Variants in PCDH12 observed in about 807,000 individuals in gnomAD.
PCDH12 encodes protocadherin 12.
A neutral mutation model predicts 70.9 loss-of-function variants in PCDH12; 45 were observed. The observed-to-expected ratio is 0.63, with a 90% CI of 0.50 to 0.81. The LOEUF is 0.81. PCDH12 is among the 40% of genes least tolerant of loss of function. PCDH12 has a pLI of 0.00. For missense variants in PCDH12, 1,370 were observed against 1,491.7 expected (o/e 0.92, Z 1.34); for synonymous variants, 567 against 626.0 (o/e 0.91, Z 1.41).
intron 2 of PCDH12, among the ~76,000 whole-genome samples, chr5:141,950,746 C>G (rs1304696591): frequency 6.6e-6 from 1 of 152,194 alleles, no homozygotes; most frequent in Non-Finnish European, 1.5e-5. Flanking sequence ...ACTCTGAGAG[C>G]TGGTCCCAGC....
chr5:141,949,144 A>G (rs536778874), intron 3 of PCDH12, among the ~76,000 whole-genome samples: 1 of 151,868 alleles, frequency 6.6e-6, no homozygotes, highest in African/African-American at 2.4e-5. Context: ...GGATCACCTG[A>G]GCCCAGGAGG....
In PCDH12 at chr5:141,957,430, T is replaced by A; in HGVS notation, c.422A>T (p.Glu141Val). The A allele has an allele frequency of 6.2e-7, 1 of 1,612,682 alleles. No individual in the cohort carries two copies. Among genetic ancestry groups the A allele is most frequent in the Non-Finnish European group, 8.5e-7 (1 of 1,179,310 alleles). ...AGAGGCGCTCTCAGAGATTTCCAGC[T>A]CCTGCTCGCCTTTGGGAAACCGTGG... ...HQPRFPKGEQ[E>V]LEISESASLR... Residue 141 changes from glutamate (E) to valine (V), a missense_variant, in exon 1 of 4, where the codon GAG (glutamate) becomes GTG (valine). Transcript: ENST00000231484. The surrounding 1 kb of genome is among the most constrained non-coding windows in gnomAD (Gnocchi z 4.3).
At chr5:141,951,833 G>C (rs1029342571) in intron 1 of PCDH12, among the ~76,000 whole-genome samples, 2 of 152,254 alleles carry the variant, frequency 1.3e-5, no homozygotes, top group Non-Finnish European at 2.9e-5. Flanking sequence ...GACCCTCTGG[G>C]CCTGTCCCCT....
chr5:141,946,312 A>G (rs62380004), intron 3 of PCDH12, among the ~76,000 whole-genome samples: 15,418 of 152,176 alleles, frequency 0.1, 859 homozygotes, highest in African/African-American at 0.15. Context: ...CAATTTACAT[A>G]ATTATTTCAT....
rs1752855432 is a variant in PCDH12 at position 141,944,528 on chromosome 5, G to A, written c.*853C>T. The A allele has an allele frequency of 6.6e-6, 1 of 152,204 alleles. No homozygotes were observed. The highest frequency in any genetic ancestry group is 2.1e-4 in the South Asian group (1 of 4,824). 9.4% of individuals were successfully genotyped at this position (152,204 alleles called of 1,614,324 possible). On this transcript the variant is annotated 3_prime_UTR_variant, in exon 4 of 4. Transcript: ENST00000231484. ...TGTCAAGGTTGAAGGCATGGGTTTT[G>A]GTGTTGGCCCAGCCTGGGTCCAAAT...
Position 141,950,318 on chromosome 5 carries a change from C to T in PCDH12, c.2979-735G>A, listed in dbSNP as rs926656974. Among the ~76,000 whole-genome samples the T allele has an allele frequency of 4.6e-5, 7 of 152,260 alleles. No homozygotes were observed. The South Asian group carries it at 6.2e-4, about 14-fold the overall frequency. The stretch of plus-strand genomic sequence containing the variant: ...GAAGGCTACCTGAGGGGTTTTAAGG[C>T]GTAGGAGTCCTTCTGTTTGTTTGGT... On this transcript the variant is annotated intron_variant, in intron 2 of 3. Transcript: ENST00000231484.
chr5:141,954,820 C>T, intron 1 of PCDH12, 152 bp downstream of exon 1: 1 of 1,029,426 alleles, frequency 9.7e-7, no homozygotes, highest in Non-Finnish European at 1.4e-6. Context: ...GATCACAAAG[C>T]TGTGCCCTGA....
chr5:141,953,760 G>C (rs1460981390), intron 1 of PCDH12, among the ~76,000 whole-genome samples: 1 of 152,228 alleles, frequency 6.6e-6, no homozygotes, highest in Non-Finnish European at 1.5e-5. Flanking sequence ...GGCAGCCTCT[G>C]GGTCTGCACC....
rs1036408718 is a variant in PCDH12, at chr5:141,945,676, A to G, written c.3260T>C (p.Phe1087Ser). 6.2e-7 allele frequency: 1 copy of G among 1,614,058 alleles called. No homozygotes were observed. The highest frequency in any genetic ancestry group is 8.5e-7 in the Non-Finnish European group (1 of 1,180,042). ...TGCCTCTGCCTTGCCGAACGTCTGGAAGGTCCTTGGCTCCTCCGTGGCTGC... is the reference window on the plus strand; with the variant it reads ...TGCCTCTGCCTTGCCGAACGTCTGGGAGGTCCTTGGCTCCTCCGTGGCTGC... The part of the protein sequence containing the change: ...DAAATEEPRT[F>S]QTFGKAEAPE... The change falls in exon 4 of 4, where the codon TTC becomes TCC. Residue 1087 changes from phenylalanine (F) to serine (S), a missense_variant. Coordinates refer to ENST00000231484, the MANE Select transcript of PCDH12 (RefSeq NM_016580.4).
At chr5:141,949,855 T>C (rs1753040968) in intron 2 of PCDH12, among the ~76,000 whole-genome samples, 1 of 152,208 alleles carries the variant, frequency 6.6e-6, no homozygotes, top group African/African-American at 2.4e-5. Flanking sequence ...CCACAGAGCC[T>C]GGCACATTGT....
rs753657439 is a variant in PCDH12, at chr5:141,957,433, T to C, written c.419A>G (p.Gln140Arg). ...DHQPRFPKGE[Q>R]ELEISESASL... ...GGCGCTCTCAGAGATTTCCAGCTCC[T>C]GCTCGCCTTTGGGAAACCGTGGCTG... Residue 140 changes from glutamine (Q) to arginine (R), a missense_variant, in exon 1 of 4, where the codon CAG (glutamine) becomes CGG (arginine). Coordinates refer to ENST00000231484, the MANE Select transcript of PCDH12 (RefSeq NM_016580.4). The surrounding 1 kb of genome is among the most constrained non-coding windows in gnomAD (Gnocchi z 4.3). The C allele has an allele frequency of 1.8e-5, 29 of 1,612,538 alleles. No homozygotes were observed. In the East Asian group the frequency reaches 6.5e-4, roughly 36 times the overall value.
chr5:141,946,164 C>G (rs192648515), intron 3 of PCDH12, among the ~76,000 whole-genome samples: 1 of 152,278 alleles, frequency 6.6e-6, no homozygotes, highest in East Asian at 1.9e-4. Flanking sequence ...GGCGCCTTCT[C>G]CCCTCAGGGC....
At position 141,945,760 on chromosome 5, in the gene PCDH12, G is replaced by T. The variant is rs371919982; in HGVS notation, c.3176C>A (p.Ala1059Glu). Residue 1059 changes from alanine to glutamate, a missense_variant, in exon 4 of 4, where the codon GCG (alanine) becomes GAG (glutamate). By Grantham distance (107) the Ala-to-Glu change is moderately radical. Coordinates refer to ENST00000231484, the MANE Select transcript of PCDH12 (RefSeq NM_016580.4). ...RLSAPDPAWM[A>E]RLSLPLTTNY... ...GGTGGTGAGGGGCAAAGAGAGTCTC[G>T]CCATCCAGGCCGGGTCAGGGGCGCT... 6.2e-7 allele frequency: 1 copy of T among 1,613,780 alleles called. No individual in the cohort carries two copies. Among genetic ancestry groups the T allele is most frequent in the Non-Finnish European group, 8.5e-7 (1 of 1,179,968 alleles).
Position 141,955,314 on chromosome 5 carries a change from G to A in PCDH12, c.2538C>T (p.Val846=), listed in dbSNP as rs1300413809. 3 of 1,614,192 alleles carry A rather than the reference G, an allele frequency of 1.9e-6. No homozygotes were observed. The Admixed American group carries it at 5.0e-5, about 27-fold the overall frequency. The part of the protein sequence containing the change: ...AESREVLQDT[V]NLLFNHPRQR... Reference sequence around the variant, plus strand: ...GCCTGGGATGGTTGAAAAGGAGGTTGACCGTGTCTTGCAGCACCTCTCGGC... The same window carrying A: ...GCCTGGGATGGTTGAAAAGGAGGTTAACCGTGTCTTGCAGCACCTCTCGGC... The change falls in exon 1 of 4, where the codon GTC becomes GTT. Residue 846 remains valine, a synonymous_variant. Transcript: ENST00000231484. The surrounding 1 kb of genome is among the most constrained non-coding windows in gnomAD (Gnocchi z 5.5).
intron 1 of PCDH12, among the ~76,000 whole-genome samples, chr5:141,954,564 TAGGA>T (rs1429533803): frequency 1.3e-5 from 2 of 152,184 alleles, no homozygotes; most frequent in African/African-American, 4.8e-5. Flanking sequence ...GGTTCAGAGC[TAGGA>T]AGAAGTGGAG....
chr5:141,949,654 T>C, intron 2 of PCDH12, 71 bp from the exon 3 acceptor site: 4 of 1,545,586 alleles, frequency 2.6e-6, no homozygotes, highest in Non-Finnish European at 8.8e-7. Context: ...TGCCCATTCA[T>C]GTTTGCATTC....
In PCDH12 at chr5:141,947,228, T is replaced by G. The variant is rs560566654; in HGVS notation, c.3131-1423A>C. ...TTGGGCTCCTGCCCTACTGGATCCT[T>G]GGGTTTAGCCCCATGCCTGGGACTT... On this transcript the variant is annotated intron_variant, in intron 3 of 3. Transcript: ENST00000231484. 1.9e-4 allele frequency among the ~76,000 whole-genome samples: 29 copies of G among 152,346 alleles called. No homozygotes were observed. In the South Asian group the frequency reaches 5.8e-3, roughly 30 times the overall value.
chr5:141,951,538 G>T lies in PCDH12; in HGVS notation c.2933C>A (p.Pro978Gln), dbSNP rs200704759. 8.1e-6 allele frequency: 13 copies of T among 1,614,222 alleles called. No homozygotes were observed. Among genetic ancestry groups the T allele is most frequent in the Non-Finnish European group, 1.0e-5 (12 of 1,180,046 alleles). Residue 978 changes from proline to glutamine, a missense_variant, in exon 2 of 4, where the codon CCA (proline) becomes CAA (glutamine). Pro to Gln is a moderately conservative substitution (Grantham distance 76). Transcript: ENST00000231484. ...LLHQGQFQPK[P>Q]NHRGNKYLAK... The stretch of plus-strand genomic sequence containing the variant: ...CAAGTACTTATTTCCTCGGTGGTTT[G>T]GTTTGGGCTGGAATTGGCCCTGATG...
chr5:141,951,296 T>C (rs1167320077), intron 2 of PCDH12, among the ~76,000 whole-genome samples, 197 bp downstream of exon 2: 5 of 152,212 alleles, frequency 3.3e-5, no homozygotes, highest in Admixed American at 3.3e-4. Context: ...ACAGGACTTC[T>C]AGGTCCTGTA....
Sources: allele counts gnomAD v4.1 joint callset (sites outside exome capture counted in the v4.1 genomes callset), GRCh38; gene constraint gnomAD v4.1.1; non-coding constraint Gnocchi (gnomAD v3.1); transcripts MANE v1.5; gene names NCBI Gene and HGNC (gene_info 2026-07-23, HGNC 2026-07-21).